Variants in DCAF6 observed in about 807,000 individuals in gnomAD.
The protein encoded by DCAF6 is DDB1 and CUL4 associated factor 6.
Under a neutral mutation model 125.1 loss-of-function variants are expected in DCAF6, and 54 were observed. The ratio of observed to expected loss-of-function variants is 0.43; its 90% CI spans 0.35 to 0.54. The LOEUF (loss-of-function observed/expected upper bound fraction) is 0.54. Among genes scored for constraint, DCAF6 ranks in the 20% least tolerant of loss-of-function variants. The pLI, the probability that DCAF6 is intolerant of heterozygous loss-of-function variation, is 0.01. For synonymous variants in DCAF6, 371 were observed against 390.4 expected (o/e 0.95, Z 0.58); for missense variants, 934 against 1,161.7 (o/e 0.80, Z 2.85).
In DCAF6 at chr1:168,063,658, C is replaced by A. The variant is rs773283748; in HGVS notation, c.2338C>A (p.Arg780=). The A allele has an allele frequency of 1.9e-6, 3 of 1,600,464 alleles. No homozygotes were observed. Among genetic ancestry groups the A allele is most frequent in the Admixed American group, 3.5e-5 (2 of 57,796 alleles). The stretch of plus-strand genomic sequence containing the variant: ...TGCCCGTATTCAGGAGTTCTTCAGA[C>A]GGAGAAAAGAAAGGAAAGAAATGGA... ...AVARIQEFFR[R]RKERKEMEEL... Residue 780 remains arginine, a synonymous_variant, in exon 18 of 22, where the codon CGG becomes AGG. Coordinates refer to ENST00000367840, the MANE Select transcript of DCAF6 (RefSeq NM_001198956.2).
the DCAF6 span, among the ~76,000 whole-genome samples, chr1:167,889,340 T>C: frequency 6.6e-6 from 1 of 152,180 alleles, no homozygotes; most frequent in East Asian, 1.9e-4. Flanking sequence ...ATAATATGGT[T>C]TTTGTCCTTC....
intron 1 of DCAF6, among the ~76,000 whole-genome samples, chr1:167,937,404 GC>G (rs1671453968): frequency 1.3e-5 from 2 of 152,094 alleles, no homozygotes; most frequent in Admixed American, 1.3e-4. Context: ...CTAAGTTGTT[GC>G]CCACCCTCTC....
the DCAF6 span, chr1:167,870,463 A>G: frequency 1.4e-6 from 2 of 1,477,134 alleles, no homozygotes; most frequent in Non-Finnish European, 1.9e-6. Context: ...AAAATAGTCT[A>G]GAGATATAAA....
Position 168,065,730 on chromosome 1 carries a change from A to C in DCAF6, c.2580A>C (p.Pro860=). The C allele has an allele frequency of 6.2e-7, 1 of 1,612,124 alleles. No individual in the cohort carries two copies. The highest frequency in any genetic ancestry group is 8.5e-7 in the Non-Finnish European group (1 of 1,178,822). Residue 860 remains proline, a synonymous_variant, in exon 19 of 22, where the codon CCA becomes CCC. Transcript: ENST00000367840. ...ATCATGTGGTAAACTGCCTGCAGCC[A>C]CATCCGTTTGACCCAAGTAAGATAT... ...ADNHVVNCLQ[P]HPFDPILASS...
the DCAF6 span, chr1:167,878,459 G>A: frequency 2.7e-5 from 43 of 1,613,614 alleles, no homozygotes; most frequent in Admixed American, 8.3e-5. Context: ...TTCTCAGTAC[G>A]GCCCCAATAC....
chr1:167,951,095 TAC>T (rs775543772), intron 1 of DCAF6, among the ~76,000 whole-genome samples: 6 of 152,242 alleles, frequency 3.9e-5, no homozygotes, highest in Non-Finnish European at 5.9e-5. Context: ...TTATAGCACT[TAC>T]ACCGATTATT....
At chr1:167,939,166 C>T (rs1343336574) in intron 1 of DCAF6, among the ~76,000 whole-genome samples, 1 of 152,140 alleles carries the variant, frequency 6.6e-6, no homozygotes, top group African/African-American at 2.4e-5. Flanking sequence ...TTCAGCTCTT[C>T]TATACTACAG....
intron 1 of DCAF6, among the ~76,000 whole-genome samples, chr1:167,948,695 A>C (rs2102689893): frequency 6.6e-6 from 1 of 152,292 alleles, no homozygotes; most frequent in South Asian, 2.1e-4. Flanking sequence ...TCTGTTGCCC[A>C]GGCTGGAGTA....
chr1:168,038,227 T>G, intron 12 of DCAF6, 144 bp from the exon 13 acceptor site: 3 of 620,284 alleles, frequency 4.8e-6, no homozygotes, highest in Non-Finnish European at 8.4e-6. Context: ...AACACATGCC[T>G]TCAAACTTTA....
chr1:167,945,933 A>T (rs940498119), intron 1 of DCAF6, among the ~76,000 whole-genome samples: 1 of 149,246 alleles, frequency 6.7e-6, no homozygotes, highest in East Asian at 2.0e-4. Flanking sequence ...AAGTTTACTG[A>T]ATTCATTTAC....
chr1:167,943,732 A>G (rs973899974), intron 1 of DCAF6, among the ~76,000 whole-genome samples: 12 of 152,212 alleles, frequency 7.9e-5, no homozygotes, highest in African/African-American at 2.7e-4. Flanking sequence ...ACGTTTGTTT[A>G]GAACACACTT....
At chr1:167,880,105 C>T in the DCAF6 span, 8 of 1,609,766 alleles carry the variant, frequency 5.0e-6, no homozygotes, top group Non-Finnish European at 6.8e-6. Context: ...GATGAGCTGA[C>T]CCAGCACACC....
the DCAF6 span, among the ~76,000 whole-genome samples, chr1:167,907,315 A>G: frequency 6.6e-6 from 1 of 152,226 alleles, no homozygotes; most frequent in Non-Finnish European, 1.5e-5. Flanking sequence ...TCATTATCAA[A>G]TAACTTTGAA....
intron 1 of DCAF6, among the ~76,000 whole-genome samples, chr1:167,950,555 T>C (rs558693494): frequency 6.6e-6 from 1 of 152,300 alleles, no homozygotes; most frequent in Admixed American, 6.5e-5. Flanking sequence ...TTAAATAACA[T>C]GGAGAAAGAA....
chr1:167,935,995 T>G (rs1196618939), upstream of DCAF6: 6 of 645,854 alleles, frequency 9.3e-6, no homozygotes, highest in East Asian at 1.7e-4. Flanking sequence ...CTGCCCGCTG[T>G]GAACCGAAAA....
the DCAF6 span, among the ~76,000 whole-genome samples, chr1:167,888,268 T>A: frequency 1.3e-5 from 2 of 152,206 alleles, no homozygotes; most frequent in South Asian, 4.1e-4. Flanking sequence ...GGGTCTTTTG[T>A]GGTTCCATGT....
At chr1:167,987,931 T>A (rs560667646) in intron 5 of DCAF6, among the ~76,000 whole-genome samples, 101 of 152,184 alleles carry the variant, frequency 6.6e-4, no homozygotes, top group Admixed American at 2.3e-3. Context: ...TTTATATAAA[T>A]GTATCTCATT....
Position 168,045,029 on chromosome 1 carries a change from C to T in DCAF6, c.2060C>T (p.Thr687Ile), listed in dbSNP as rs765119034. ...ASSEKAKEPETSDQTSTESAT... is the reference protein window; with the variant it reads ...ASSEKAKEPEISDQTSTESAT... ...TCTGAAAAAGCCAAGGAACCAGAAA[C>T]TTCAGATCAGACTAGCACTGAGAGT... The change falls in exon 16 of 22, where the codon ACT (threonine) becomes ATT (isoleucine). Residue 687 changes from threonine to isoleucine, a missense_variant. Thr to Ile is a moderately conservative substitution (Grantham distance 89). Transcript: ENST00000367840. 6.2e-7 allele frequency: 1 copy of T among 1,614,094 alleles called. No homozygotes were observed. The highest frequency in any genetic ancestry group is 8.5e-7 in the Non-Finnish European group (1 of 1,179,960).
chr1:168,032,144 A>G (rs984847716), intron 12 of DCAF6, among the ~76,000 whole-genome samples: 2 of 152,376 alleles, frequency 1.3e-5, no homozygotes, highest in African/African-American at 4.8e-5. Context: ...TGTTAAAAAG[A>G]TTAGAGAGAA....
Sources: allele counts gnomAD v4.1 joint callset (sites outside exome capture counted in the v4.1 genomes callset), GRCh38; gene constraint gnomAD v4.1.1; transcripts MANE v1.5; gene names NCBI Gene and HGNC (gene_info 2026-07-23, HGNC 2026-07-21).